PTPRD: variants seen among roughly 807,000 people sequenced by gnomAD.
The protein encoded by PTPRD is receptor-type tyrosine-protein phosphatase delta.
Under a neutral mutation model 214.5 loss-of-function variants are expected in PTPRD, and 34 were observed. That is an observed-to-expected ratio of 0.16 (90% CI 0.12 to 0.21). The LOEUF is 0.21. Among genes scored for constraint, PTPRD ranks in the 10% least tolerant of loss-of-function variants. PTPRD has a pLI of 1.00. For missense variants in PTPRD, 2,545 were observed against 2,398.7 expected, an observed-to-expected ratio of 1.06 and a Z score of -1.27; for synonymous variants, 1,128 against 845.7, an observed-to-expected ratio of 1.33 and a Z score of -5.79.
chr9:8,318,016 A>G (rs1823162828), intron 45 of PTPRD, 74 bp from the exon 46 acceptor site: 3 of 1,426,552 alleles, frequency 2.1e-6, no homozygotes, highest in Non-Finnish European at 3.0e-6. Flanking sequence ...ATAAAAATCA[A>G]TATTGCATAA....
chr9:9,080,366 G>T (rs2099757262), intron 10 of PTPRD, among the ~76,000 whole-genome samples: 1 of 151,996 alleles, frequency 6.6e-6, no homozygotes, highest in African/African-American at 2.4e-5. Context: ...GCTCAAAAAG[G>T]TGACAAAAAG....
At chr9:9,888,868 A>G (rs770011833) in intron 5 of PTPRD, among the ~76,000 whole-genome samples, 1 of 152,256 alleles carries the variant, frequency 6.6e-6, no homozygotes, top group African/African-American at 2.4e-5. Context: ...TTGAGCCAGC[A>G]CCAAATGTTA....
Position 8,389,265 on chromosome 9 carries a change from A to T in PTPRD, c.4353T>A (p.Val1451=). ...TTTCTTCTAGTTTTGTCATCATGAC[A>T]ACTGTGGCACTCCGTTGTTCCCATA... ...RMIWEQRSAT[V]VMMTKLEERS... is the part of the protein sequence containing the mutation. The change falls in exon 37 of 46, where the codon GTT becomes GTA. Residue 1451 remains valine, a synonymous_variant. Coordinates refer to ENST00000381196, the MANE Select transcript of PTPRD (RefSeq NM_002839.4). The T allele has an allele frequency of 1.2e-6, 2 of 1,611,976 alleles. No homozygotes were observed. The highest frequency in any genetic ancestry group is 1.7e-6 in the Non-Finnish European group (2 of 1,178,986).
intron 8 of PTPRD, among the ~76,000 whole-genome samples, chr9:9,482,714 C>G (rs560847965): frequency 2.1e-4 from 32 of 152,218 alleles, no homozygotes; most frequent in African/African-American, 7.5e-4. Flanking sequence ...TTAAAATAAG[C>G]TTGTTTATAA....
intron 3 of PTPRD, among the ~76,000 whole-genome samples, chr9:10,217,386 A>T (rs575374966): frequency 6.6e-6 from 1 of 151,894 alleles, no homozygotes; most frequent in South Asian, 2.1e-4. Context: ...CCCCTCCTCC[A>T]TATCTCAAAG....
At chr9:10,320,962 A>G (rs1449618677) in intron 3 of PTPRD, among the ~76,000 whole-genome samples, 1 of 151,938 alleles carries the variant, frequency 6.6e-6, no homozygotes, top group Non-Finnish European at 1.5e-5. Context: ...TCCTGGGCTC[A>G]AGCAATCCGA....
Position 8,440,658 on chromosome 9 carries a change from T to C in PTPRD, c.3989-3969A>G, listed in dbSNP as rs552923896. Among the ~76,000 whole-genome samples, 10 of 152,338 alleles carry C rather than the reference T, an allele frequency of 6.6e-5. No individual in the cohort carries two copies. The South Asian group carries it at 2.1e-3, about 32-fold the overall frequency. ...ACGCATCAAATCTGTTAAGACTTTT[T>C]ATTTTGAAGCTATGATCTCCACAAT... On this transcript the variant is annotated intron_variant, in intron 34 of 45. Transcript: ENST00000381196.
chr9:9,722,997 A>C (rs574895131), intron 7 of PTPRD, among the ~76,000 whole-genome samples: 8 of 152,126 alleles, frequency 5.3e-5, no homozygotes, highest in Non-Finnish European at 1.2e-4. Context: ...TTATGTTTTC[A>C]CATTTTTGAT....
intron 12 of PTPRD, among the ~76,000 whole-genome samples, chr9:8,673,444 A>C (rs1476233382): frequency 6.6e-6 from 1 of 152,180 alleles, no homozygotes; most frequent in African/African-American, 2.4e-5. Context: ...ATTATTAATA[A>C]TAACAGTAGT....
chr9:9,031,763 C>G (rs899316138), intron 10 of PTPRD, among the ~76,000 whole-genome samples: 5 of 152,008 alleles, frequency 3.3e-5, no homozygotes, highest in Non-Finnish European at 5.9e-5. Flanking sequence ...CAAAAGTACT[C>G]AGATAAAAAC....
chr9:8,673,673 G>C (rs775782610), intron 12 of PTPRD, among the ~76,000 whole-genome samples: 19 of 151,566 alleles, frequency 1.3e-4, no homozygotes, highest in Non-Finnish European at 1.8e-4. Context: ...TCTTGACCTC[G>C]TATATTTATT....
intron 10 of PTPRD, among the ~76,000 whole-genome samples, chr9:9,059,781 A>G (rs1020478412): frequency 6.6e-6 from 1 of 152,130 alleles, no homozygotes; most frequent in African/African-American, 2.4e-5. Flanking sequence ...TTTCACAAAT[A>G]TTAGAAAATG....
At chr9:9,349,556 G>T (rs1307928460) in intron 9 of PTPRD, among the ~76,000 whole-genome samples, 1 of 150,988 alleles carries the variant, frequency 6.6e-6, no homozygotes, top group African/African-American at 2.4e-5. Context: ...TCTGATGGTT[G>T]AGACTGAAAA....
At chr9:8,482,891 T>C (rs916121117) in intron 30 of PTPRD, among the ~76,000 whole-genome samples, 2 of 148,824 alleles carry the variant, frequency 1.3e-5, no homozygotes, top group Non-Finnish European at 3.0e-5. Flanking sequence ...CTCCTATTTA[T>C]CCCTTAAGAT....
chr9:9,716,623 C>A (rs1206747873), intron 7 of PTPRD, among the ~76,000 whole-genome samples: 1 of 152,116 alleles, frequency 6.6e-6, no homozygotes, highest in Non-Finnish European at 1.5e-5. Flanking sequence ...AGCATTTTTT[C>A]ATGTGTTTTT....
intron 9 of PTPRD, among the ~76,000 whole-genome samples, chr9:9,251,803 G>A (rs1415757670): frequency 1.3e-5 from 2 of 152,038 alleles, no homozygotes; most frequent in Non-Finnish European, 2.9e-5. Flanking sequence ...AGATATAACT[G>A]CTCTAGAATT....
intron 3 of PTPRD, among the ~76,000 whole-genome samples, chr9:10,210,238 T>C (rs908166426): frequency 2.0e-5 from 3 of 152,006 alleles, no homozygotes; most frequent in Non-Finnish European, 2.9e-5. Flanking sequence ...TTTAAGAGAG[T>C]AATACCCATT....
intron 14 of PTPRD, among the ~76,000 whole-genome samples, chr9:8,628,911 T>C (rs989853785): frequency 6.6e-6 from 1 of 151,982 alleles, no homozygotes; most frequent in Admixed American, 6.6e-5. Flanking sequence ...ATATGTTCTA[T>C]GAACAAAGCC....
intron 3 of PTPRD, among the ~76,000 whole-genome samples, chr9:10,067,348 G>T (rs925144166): frequency 6.6e-6 from 1 of 151,672 alleles, no homozygotes; most frequent in African/African-American, 2.4e-5. Context: ...GTTTCCAAAG[G>T]GTCTTACAGA....
Sources: allele counts gnomAD v4.1 joint callset (sites outside exome capture counted in the v4.1 genomes callset), GRCh38; gene constraint gnomAD v4.1.1; transcripts MANE v1.5; gene names NCBI Gene and HGNC (gene_info 2026-07-23, HGNC 2026-07-21).